FAM171A1: variants seen among roughly 807,000 people sequenced by gnomAD.
FAM171A1 encodes family with sequence similarity 171 member A1.
A neutral mutation model predicts 74.9 loss-of-function variants in FAM171A1; 23 were observed. That is an observed-to-expected ratio of 0.31 (90% CI 0.22 to 0.44). The LOEUF (loss-of-function observed/expected upper bound fraction) is 0.44, where lower values mean the gene tolerates loss of function less well. Ranked by LOEUF, FAM171A1 falls within the 20% of genes least tolerant of loss-of-function variation. The pLI is 1.00. For missense variants in FAM171A1, 1,162 were observed against 1,159.2 expected (o/e 1.00, Z -0.03); for synonymous variants, 527 against 505.7 (o/e 1.04, Z -0.57).
chr10:15,261,771 C>T (rs892392762), intron 3 of FAM171A1, among the ~76,000 whole-genome samples: 12 of 152,066 alleles, frequency 7.9e-5, no homozygotes, highest in Non-Finnish European at 1.3e-4. Flanking sequence ...CTGTGAGCTA[C>T]GTGGGGTCCA....
chr10:15,287,611 C>T (rs1295547443), intron 1 of FAM171A1, among the ~76,000 whole-genome samples: 1 of 152,088 alleles, frequency 6.6e-6, no homozygotes, highest in African/African-American at 2.4e-5. Flanking sequence ...TGGTCTTGAT[C>T]TCTTGACCTG....
In FAM171A1 at chr10:15,272,420, T is replaced by C. The variant is rs1313444417; in HGVS notation, c.418+3435A>G. Among the ~76,000 whole-genome samples the C allele has an allele frequency of 3.9e-5, 6 of 152,152 alleles. No homozygotes were observed. The East Asian group carries it at 1.2e-3, about 29-fold the overall frequency. On this transcript the variant is annotated intron_variant, in intron 3 of 7. Transcript: ENST00000378116. Reference sequence around the variant, plus strand: ...AGCCTTAGAGACTTACAAAGAGTCTTAGACTCCCACACAATAATATTGGGA... The same window carrying C: ...AGCCTTAGAGACTTACAAAGAGTCTCAGACTCCCACACAATAATATTGGGA...
At chr10:15,284,182 G>T in intron 1 of FAM171A1, 77 bp from the exon 2 acceptor site, 2 of 1,322,484 alleles carry the variant, frequency 1.5e-6, no homozygotes, top group Non-Finnish European at 2.1e-6. Context: ...GACTGTGATG[G>T]GAAGTGGAAG....
intron 2 of FAM171A1, among the ~76,000 whole-genome samples, chr10:15,276,329 T>G (rs1412745981): frequency 6.6e-6 from 1 of 152,136 alleles, no homozygotes; most frequent in Non-Finnish European, 1.5e-5. Flanking sequence ...TACAGGCACC[T>G]GCCACCATGC....
intron 5 of FAM171A1, among the ~76,000 whole-genome samples, chr10:15,223,995 A>G (rs1460438193): frequency 6.6e-6 from 1 of 152,236 alleles, no homozygotes; most frequent in Admixed American, 6.5e-5. Flanking sequence ...CCACCAGACT[A>G]ATGAGTCCCC....
intron 1 of FAM171A1, among the ~76,000 whole-genome samples, chr10:15,305,299 G>A (rs1359365295): frequency 6.6e-6 from 1 of 152,144 alleles, no homozygotes; most frequent in Non-Finnish European, 1.5e-5. Flanking sequence ...GAAATGTCTG[G>A]TTAGGTAAGC....
At chr10:15,307,024 G>A (rs748390956) in intron 1 of FAM171A1, among the ~76,000 whole-genome samples, 2 of 152,100 alleles carry the variant, frequency 1.3e-5, no homozygotes, top group Non-Finnish European at 1.5e-5. Flanking sequence ...TCACAGGTGC[G>A]GATATCCACT....
chr10:15,343,527 C>A (rs1350402112), intron 1 of FAM171A1, among the ~76,000 whole-genome samples: 1 of 152,146 alleles, frequency 6.6e-6, no homozygotes, highest in Non-Finnish European at 1.5e-5. Context: ...GACAGGAGAA[C>A]CAGAGAGGAC....
intron 5 of FAM171A1, 101 bp downstream of exon 5, chr10:15,248,538 T>C (rs1834463628): frequency 6.9e-6 from 9 of 1,300,478 alleles, no homozygotes; most frequent in Non-Finnish European, 9.4e-6. Flanking sequence ...CAGCATTCAC[T>C]GACTTCAAGG....
chr10:15,271,603 A>G (rs1834825810), intron 3 of FAM171A1, among the ~76,000 whole-genome samples: 1 of 152,248 alleles, frequency 6.6e-6, no homozygotes, highest in Non-Finnish European at 1.5e-5. Context: ...AGTTGAAATG[A>G]AGGAAAAAAT....
At chr10:15,347,481 T>C (rs1022730476) in intron 1 of FAM171A1, among the ~76,000 whole-genome samples, 48 of 152,266 alleles carry the variant, frequency 3.2e-4, no homozygotes, top group African/African-American at 1.1e-3. Flanking sequence ...ATGCATATAA[T>C]AAGTATGCAA....
intron 1 of FAM171A1, among the ~76,000 whole-genome samples, chr10:15,311,533 A>G (rs552844426): frequency 6.6e-6 from 1 of 152,180 alleles, no homozygotes; most frequent in Non-Finnish European, 1.5e-5. Context: ...ATTAAAAATG[A>G]GAAATAAATT....
intron 1 of FAM171A1, among the ~76,000 whole-genome samples, chr10:15,345,837 C>T (rs989326958): frequency 5.3e-5 from 8 of 152,126 alleles, no homozygotes; most frequent in African/African-American, 1.9e-4. Flanking sequence ...TAAGGAAAGC[C>T]TAGAGAGGCC....
At chr10:15,284,245 A>G (rs1453821923) in intron 1 of FAM171A1, 140 bp from the exon 2 acceptor site, 4 of 741,200 alleles carry the variant, frequency 5.4e-6, no homozygotes, top group Non-Finnish European at 8.6e-6. Flanking sequence ...AGTTTTTACC[A>G]GAGACATTTT....
In FAM171A1 at chr10:15,294,729, G is replaced by A. The variant is rs565459597; in HGVS notation, c.98-10624C>T. On this transcript the variant is annotated intron_variant, in intron 1 of 7. Transcript: ENST00000378116. ...CTGCCACAGATTTAGAACTAAATGC[G>A]ACAAGGCTGTTTCCAATTGTTGGCT... Among the ~76,000 whole-genome samples, 71 of 152,294 alleles carry A rather than the reference G, an allele frequency of 4.7e-4. No individual in the cohort carries two copies. In the South Asian group the frequency reaches 0.014, roughly 30 times the overall value.
chr10:15,236,078 C>T (rs140282711), intron 5 of FAM171A1, among the ~76,000 whole-genome samples: 3 of 152,194 alleles, frequency 2.0e-5, no homozygotes, highest in African/African-American at 4.8e-5. Context: ...TAAAAGGCAC[C>T]ACTTATTGTG....
intron 1 of FAM171A1, among the ~76,000 whole-genome samples, chr10:15,325,097 C>G (rs925577981): frequency 1.6e-4 from 24 of 152,230 alleles, no homozygotes; most frequent in African/African-American, 5.5e-4. Context: ...TCCTCCTTCC[C>G]TGACAGCCAG....
Position 15,275,938 on chromosome 10 carries a change from G to A in FAM171A1, c.335C>T (p.Ser112Phe), listed in dbSNP as rs746596160. Residue 112 changes from serine (S) to phenylalanine (F), a missense_variant, in exon 3 of 8, where the codon TCT becomes TTT. By Grantham distance (155) the Ser-to-Phe change is radical. Coordinates refer to ENST00000378116, the MANE Select transcript of FAM171A1 (RefSeq NM_001010924.2). Reference sequence around the variant, plus strand: ...TTCTGGAAGCAGGCCAAGGCTCAGAGAGGAAAATACTGCAGGAAAAAGAAA... The same window carrying A: ...TTCTGGAAGCAGGCCAAGGCTCAGAAAGGAAAATACTGCAGGAAAAAGAAA... ...WKPIRLPVFS[S>F]LSLGLLPERS... 1.9e-6 allele frequency: 3 copies of A among 1,609,988 alleles called. No individual in the cohort carries two copies. The African/African-American group carries it at 4.0e-5, about 21-fold the overall frequency.
intron 1 of FAM171A1, among the ~76,000 whole-genome samples, chr10:15,344,925 G>C (rs17156572): frequency 0.02 from 3,062 of 152,292 alleles, 35 homozygotes; most frequent in Middle Eastern, 0.048. Context: ...TTTTCAGAGC[G>C]GAGTTCTTCA....
Sources: allele counts gnomAD v4.1 joint callset (sites outside exome capture counted in the v4.1 genomes callset), GRCh38; gene constraint gnomAD v4.1.1; transcripts MANE v1.5; gene names NCBI Gene and HGNC (gene_info 2026-07-23, HGNC 2026-07-21).